Variants in CERKL observed in about 807,000 individuals in gnomAD.
The protein encoded by CERKL is CERK like autophagy regulator.
A neutral mutation model predicts 63.4 loss-of-function variants in CERKL; 61 were observed. That is an observed-to-expected ratio of 0.96 (90% CI 0.78 to 1.19). The LOEUF is 1.19. CERKL is among the 50% of genes most tolerant of loss of function. The pLI is 0.00. For synonymous variants in CERKL, 250 were observed against 230.5 expected (o/e 1.08, Z -0.77); for missense variants, 675 against 655.5 (o/e 1.03, Z -0.33).
chr2:181,617,514 T>C (rs564388520), intron 1 of CERKL: 1 of 152,216 alleles, frequency 6.6e-6, no homozygotes, highest in African/African-American at 2.4e-5. Flanking sequence ...AATTAAAATT[T>C]TGTAAAACTT....
At chr2:181,576,293 C>T (rs932331700) in intron 2 of CERKL, among the ~76,000 whole-genome samples, 1 of 150,404 alleles carries the variant, frequency 6.6e-6, no homozygotes, top group Non-Finnish European at 1.5e-5. Flanking sequence ...CATCCAGTGA[C>T]AGTCAGTTGG....
chr2:181,585,014 T>G (rs771271644), intron 2 of CERKL, among the ~76,000 whole-genome samples: 2 of 151,652 alleles, frequency 1.3e-5, no homozygotes, highest in Non-Finnish European at 2.9e-5. Flanking sequence ...CCTTCATATA[T>G]CGATATGGCT....
intron 1 of CERKL, 29 bp from the exon 2 acceptor site, chr2:181,604,108 A>C: frequency 6.4e-7 from 1 of 1,559,084 alleles, no homozygotes; most frequent in Non-Finnish European, 8.8e-7. Flanking sequence ...TTCCAATTAA[A>C]ACCATTGTGT....
At chr2:181,625,540 A>G (rs1236060554) in intron 1 of CERKL, among the ~76,000 whole-genome samples, 2 of 152,220 alleles carry the variant, frequency 1.3e-5, no homozygotes, top group Non-Finnish European at 2.9e-5. Context: ...ATACCTCATT[A>G]TCAAAGTTTA....
Position 181,657,067 on chromosome 2 carries a change from G to C in CERKL, c.-61C>G. The C allele has an allele frequency of 6.9e-7, 1 of 1,447,908 alleles. No individual in the cohort carries two copies. 89.7% of individuals were successfully genotyped at this position (1,447,908 alleles called of 1,614,324 possible). A position where few individuals can be genotyped will look rare whatever the true frequency, so the allele number is the denominator to read the frequency against. On this transcript the variant is annotated 5_prime_UTR_variant, in exon 1 of 13. Coordinates refer to ENST00000410087, the MANE Select transcript of CERKL (RefSeq NM_201548.5). Reference sequence around the variant, plus strand: ...GGGGAGGCCTTTGGAGAAGGAGGTGGAGGGCGCGGCAGCCCCAGCTCTAGC... The same window carrying C: ...GGGGAGGCCTTTGGAGAAGGAGGTGCAGGGCGCGGCAGCCCCAGCTCTAGC...
intron 1 of CERKL, among the ~76,000 whole-genome samples, chr2:181,648,423 C>T (rs562862168): frequency 6.6e-6 from 1 of 151,978 alleles, no homozygotes; most frequent in Non-Finnish European, 1.5e-5. Flanking sequence ...AAACGAGTCT[C>T]GGCCAAGGAC....
rs780823438 is a variant in CERKL at position 181,558,627 on chromosome 2, C to G, written c.759G>C (p.Met253Ile). 1 of 1,613,734 alleles carries G rather than the reference C, an allele frequency of 6.2e-7. No individual in the cohort carries two copies. The highest frequency in any genetic ancestry group is 1.1e-5 in the South Asian group (1 of 91,072). Residue 253 changes from methionine (M) to isoleucine (I), a missense_variant, in exon 5 of 13, where the codon ATG becomes ATC. Met to Ile is a conservative substitution (Grantham distance 10). Coordinates refer to ENST00000410087, the MANE Select transcript of CERKL (RefSeq NM_201548.5). This position sits in a 1 kb window ranked among gnomAD's most constrained non-coding sequence, Gnocchi z 4.2. ...CAGGAGTCAGGATTCGGTCTGTTTC[C>G]ATCCCAGCATTCTTCTGAGCTCTCA... ...LLLRAQKNAG[M>I]ETDRILTPVR...
intron 2 of CERKL, among the ~76,000 whole-genome samples, chr2:181,596,564 CA>C (rs1685217608): frequency 6.6e-6 from 1 of 152,150 alleles, no homozygotes; most frequent in African/African-American, 2.4e-5. Context: ...ACCAGTCATA[CA>C]GTAAAACTCT....
At chr2:181,628,658 T>C (rs1686816660) in intron 1 of CERKL, among the ~76,000 whole-genome samples, 1 of 152,188 alleles carries the variant, frequency 6.6e-6, no homozygotes, top group Non-Finnish European at 1.5e-5. Flanking sequence ...TTCAAGGGGA[T>C]ACATGATCTA....
intron 3 of CERKL, among the ~76,000 whole-genome samples, chr2:181,573,303 A>G (rs1470272093): frequency 1.3e-5 from 2 of 152,206 alleles, no homozygotes; most frequent in East Asian, 3.8e-4. Flanking sequence ...TATTAATAAA[A>G]CCAGCAGTTC....
chr2:181,537,839 T>TA lies in CERKL; in HGVS notation c.*344_*345insT. On this transcript the variant is annotated 3_prime_UTR_variant, in exon 13 of 13. Coordinates refer to ENST00000410087, the MANE Select transcript of CERKL (RefSeq NM_201548.5). ...AGGCTAATTGTTAGTAACATCAATT[T>TA]CTATTAGGATATCCGTTTGGCCACA... The TA allele has an allele frequency of 2.0e-6, 1 of 490,508 alleles. No individual in the cohort carries two copies. The highest frequency in any genetic ancestry group is 4.0e-6 in the Non-Finnish European group (1 of 251,198). 30.4% of individuals were successfully genotyped at this position (490,508 alleles called of 1,614,324 possible).
chr2:181,545,767 T>C, intron 10 of CERKL, among the ~76,000 whole-genome samples: 1 of 152,184 alleles, frequency 6.6e-6, no homozygotes, highest in East Asian at 1.9e-4. Flanking sequence ...AAAACGTTCA[T>C]GGTAGTGTTA....
intron 2 of CERKL, among the ~76,000 whole-genome samples, chr2:181,582,048 G>A (rs1198164017): frequency 1.3e-5 from 2 of 152,152 alleles, no homozygotes; most frequent in Non-Finnish European, 1.5e-5. Context: ...TTCTGTGAAA[G>A]TATACTTTCC....
intron 2 of CERKL, among the ~76,000 whole-genome samples, chr2:181,583,388 G>A (rs1175185468): frequency 6.6e-6 from 1 of 152,142 alleles, no homozygotes; most frequent in Non-Finnish European, 1.5e-5. Flanking sequence ...TTAGCCTCAT[G>A]AATAGTGAAA....
intron 2 of CERKL, among the ~76,000 whole-genome samples, chr2:181,584,866 T>C (rs1387658967): frequency 5.3e-5 from 8 of 151,724 alleles, no homozygotes; most frequent in Non-Finnish European, 1.2e-4. Context: ...TAAAAACTCA[T>C]ACAAAGCTTG....
intron 5 of CERKL, among the ~76,000 whole-genome samples, chr2:181,557,889 G>C (rs902774877): frequency 6.6e-6 from 1 of 151,952 alleles, no homozygotes; most frequent in African/African-American, 2.4e-5. Flanking sequence ...ACCTTTTCAG[G>C]CCAGCTCCAA....
chr2:181,631,554 C>A (rs1450919416), intron 1 of CERKL, among the ~76,000 whole-genome samples: 3 of 152,136 alleles, frequency 2.0e-5, no homozygotes, highest in African/African-American at 4.8e-5. Flanking sequence ...CACCCCTCCA[C>A]AGCACCCCCC....
chr2:181,572,725 G>A (rs927492614), intron 3 of CERKL, among the ~76,000 whole-genome samples: 24 of 148,670 alleles, frequency 1.6e-4, no homozygotes, highest in South Asian at 2.1e-4. Flanking sequence ...AGTTTCTCTC[G>A]AACCTCTATA....
chr2:181,648,981 A>G (rs762376474), intron 1 of CERKL, among the ~76,000 whole-genome samples: 9 of 152,238 alleles, frequency 5.9e-5, no homozygotes, highest in Non-Finnish European at 1.2e-4. Context: ...TGACCAAACC[A>G]CAGAGGTAAA....
Sources: allele counts gnomAD v4.1 joint callset (sites outside exome capture counted in the v4.1 genomes callset), GRCh38; gene constraint gnomAD v4.1.1; non-coding constraint Gnocchi (gnomAD v3.1); transcripts MANE v1.5; gene names NCBI Gene and HGNC (gene_info 2026-07-23, HGNC 2026-07-21).